Variants in KCNJ15 observed in about 807,000 individuals in gnomAD.
KCNJ15 encodes the protein potassium inwardly rectifying channel subfamily J member 15.
A neutral mutation model predicts 23.0 loss-of-function variants in KCNJ15; 14 were observed. The ratio of observed to expected loss-of-function variants is 0.61; its 90% CI spans 0.40 to 0.95. KCNJ15 has a LOEUF of 0.95. Ranked by LOEUF, KCNJ15 falls within the 40% of genes least tolerant of loss-of-function variation. KCNJ15 has a pLI of 0.00. For missense variants in KCNJ15, 388 were observed against 461.8 expected (o/e 0.84, Z 1.46); for synonymous variants, 185 against 183.2 (o/e 1.01, Z -0.08).
intron 1 of KCNJ15, among the ~76,000 whole-genome samples, chr21:38,268,561 A>G (rs1311485411): frequency 7.9e-6 from 1 of 127,248 alleles, no homozygotes; most frequent in East Asian, 2.3e-4. Flanking sequence ...AAAAAAAAAA[A>G]AAAAAAAAAA....
chr21:38,237,664 C>T (rs1210086461), intron 1 of KCNJ15, among the ~76,000 whole-genome samples: 2 of 152,190 alleles, frequency 1.3e-5, no homozygotes, highest in African/African-American at 4.8e-5. Flanking sequence ...TGCTGACCTC[C>T]ATTCAAAGAT....
chr21:38,233,521 T>G (rs1978408314), intron 1 of KCNJ15, among the ~76,000 whole-genome samples: 1 of 152,174 alleles, frequency 6.6e-6, no homozygotes, highest in South Asian at 2.1e-4. Flanking sequence ...CCTTTATTAC[T>G]TTCTTTTGTA....
At chr21:38,282,112 A>G (rs562208619) in intron 1 of KCNJ15, among the ~76,000 whole-genome samples, 1 of 152,042 alleles carries the variant, frequency 6.6e-6, no homozygotes, top group South Asian at 2.1e-4. Flanking sequence ...TTTTAAATGG[A>G]GCAATATGTT....
At chr21:38,288,319 G>T (rs1216941380) in intron 1 of KCNJ15, among the ~76,000 whole-genome samples, 1 of 151,984 alleles carries the variant, frequency 6.6e-6, no homozygotes, top group East Asian at 1.9e-4. Context: ...GGGATTACAG[G>T]CATGAGCCAC....
chr21:38,305,080 C>CAAA lies in KCNJ15; in HGVS notation c.*4706_*4708dup, dbSNP rs60094452. The stretch of plus-strand genomic sequence containing the variant: ...GGGCAACAAAAGTAAAACTCCGTCT[C>CAAA]AAAAAAAAAAAAAAAAAGAAAAAGA... On this transcript the variant is annotated 3_prime_UTR_variant, in exon 3 of 3. Transcript: ENST00000398938. 3,120 of 97,614 alleles carry CAAA rather than the reference C, an allele frequency of 0.032. 61 individuals carry two copies. Among genetic ancestry groups the CAAA allele is most frequent in the Middle Eastern group, 0.079 (15 of 190 alleles). 6.0% of individuals were successfully genotyped at this position (97,614 alleles called of 1,614,324 possible).
chr21:38,296,325 T>G (rs1423547114), intron 1 of KCNJ15, among the ~76,000 whole-genome samples: 1 of 152,176 alleles, frequency 6.6e-6, no homozygotes, highest in Non-Finnish European at 1.5e-5. Flanking sequence ...AAGAATTATT[T>G]TCAAAAAGTA....
At chr21:38,263,919 A>G (rs1280372631) in intron 1 of KCNJ15, among the ~76,000 whole-genome samples, 1 of 152,196 alleles carries the variant, frequency 6.6e-6, no homozygotes, top group African/African-American at 2.4e-5. Context: ...ACACACACAC[A>G]CACCATGAAA....
intron 1 of KCNJ15, among the ~76,000 whole-genome samples, chr21:38,240,869 C>A (rs904347920): frequency 2.0e-5 from 3 of 152,176 alleles, no homozygotes; most frequent in Admixed American, 6.5e-5. Context: ...TCTTGAAATG[C>A]ACATCTCGCA....
chr21:38,293,288 T>A (rs1984807942), intron 1 of KCNJ15, among the ~76,000 whole-genome samples: 1 of 152,146 alleles, frequency 6.6e-6, no homozygotes, highest in Non-Finnish European at 1.5e-5. Context: ...GCAAGCCATG[T>A]GATGATCCCG....
chr21:38,244,138 G>A (rs1003286225), intron 1 of KCNJ15, among the ~76,000 whole-genome samples: 1 of 151,490 alleles, frequency 6.6e-6, no homozygotes, highest in African/African-American at 2.4e-5. Context: ...TTGTCTTTGT[G>A]ACTATCTTGT....
At position 38,300,183 on chromosome 21, in the gene KCNJ15, G is replaced by A. The variant is rs963923530; in HGVS notation, c.922G>A (p.Gly308Ser). The A allele has an allele frequency of 1.2e-6, 2 of 1,614,016 alleles. No individual in the cohort carries two copies. The highest frequency in any genetic ancestry group is 1.7e-6 in the Non-Finnish European group (2 of 1,180,044). The change falls in exon 3 of 3, where the codon GGT (glycine) becomes AGT (serine). Residue 308 changes from glycine to serine, a missense_variant. Coordinates refer to ENST00000398938, the MANE Select transcript of KCNJ15 (RefSeq NM_170736.3). ...TTATATCCCAGAGGAAATCTACTGG[G>A]GTTTTGAGTTTGTGCCTGTGGTATC... ...TSYIPEEIYW[G>S]FEFVPVVSLS...
intron 1 of KCNJ15, among the ~76,000 whole-genome samples, chr21:38,231,183 C>G (rs925160077): frequency 5.7e-4 from 87 of 151,844 alleles, no homozygotes; most frequent in African/African-American, 2.0e-3. Flanking sequence ...TAAATTTGTT[C>G]CCAAGTATCT....
At chr21:38,233,398 T>C (rs1414925188) in intron 1 of KCNJ15, among the ~76,000 whole-genome samples, 1 of 152,158 alleles carries the variant, frequency 6.6e-6, no homozygotes, top group Non-Finnish European at 1.5e-5. Flanking sequence ...GCCTTTTGAT[T>C]TGACTGTTTA....
At chr21:38,262,014 C>T (rs1488529322) in intron 1 of KCNJ15, among the ~76,000 whole-genome samples, 1 of 152,172 alleles carries the variant, frequency 6.6e-6, no homozygotes, top group African/African-American at 2.4e-5. Context: ...AAATAATGTT[C>T]TCACTCAATG....
At chr21:38,236,301 C>G (rs891147377) in intron 1 of KCNJ15, among the ~76,000 whole-genome samples, 2 of 152,212 alleles carry the variant, frequency 1.3e-5, no homozygotes, top group Non-Finnish European at 2.9e-5. Flanking sequence ...ATAAACATAA[C>G]AAAAGCTTTG....
chr21:38,259,004 C>CGTGTGT (rs141128448), intron 1 of KCNJ15, among the ~76,000 whole-genome samples: 2 of 149,680 alleles, frequency 1.3e-5, no homozygotes, highest in Admixed American at 6.7e-5. Flanking sequence ...TTTCTTGGGG[C>CGTGTGT]GTGTGTGTGT....
rs373282594 is a variant in KCNJ15 at position 38,257,186 on chromosome 21, G to A, written c.-117+1G>A. 1 of 152,278 alleles carries A rather than the reference G, an allele frequency of 6.6e-6. No homozygotes were observed. Among genetic ancestry groups the A allele is most frequent in the East Asian group, 1.9e-4 (1 of 5,190 alleles). The allele number at this position is 152,278 out of a possible 1,614,324, so 9.4% of individuals were successfully genotyped here. A position where few individuals can be genotyped will look rare whatever the true frequency, so the allele number is the denominator to read the frequency against. ...AGTCTGCACTCTTCAGTCTTTGCAG[G>A]TAAGAGGTACACGGCGCTTATGTTA... On this transcript the variant is annotated splice_donor_variant, in intron 1 of 2. Coordinates refer to ENST00000398938, the MANE Select transcript of KCNJ15 (RefSeq NM_170736.3). LOFTEE classifies it low-confidence loss of function (5UTR_SPLICE).
At chr21:38,285,561 GAT>G (rs534724843) in intron 1 of KCNJ15, 1 of 152,128 alleles carries the variant, frequency 6.6e-6, no homozygotes, top group South Asian at 2.1e-4. Flanking sequence ...GTACAGAAGA[GAT>G]AATGTTCAAC....
chr21:38,261,744 A>G (rs1352209135), intron 1 of KCNJ15, among the ~76,000 whole-genome samples: 1 of 152,108 alleles, frequency 6.6e-6, no homozygotes, highest in African/African-American at 2.4e-5. Context: ...CGCTTTTTCC[A>G]CCTGAAAAGC....
Sources: gnomAD v4.1 joint callset for allele counts (sites outside exome capture counted in the v4.1 genomes callset) on GRCh38, gnomAD v4.1.1 for gene constraint, MANE v1.5 for transcripts, NCBI Gene and HGNC (gene_info 2026-07-23, HGNC 2026-07-21) for gene names.